Variants in UNC5D observed in about 807,000 individuals in gnomAD.
UNC5D encodes netrin receptor UNC5D.
Under a neutral mutation model 105.4 loss-of-function variants are expected in UNC5D, and 39 were observed. The observed-to-expected ratio is 0.37, with a 90% CI of 0.29 to 0.48. The LOEUF is 0.48. Ranked by LOEUF, UNC5D falls within the 20% of genes least tolerant of loss-of-function variation. The pLI, the probability that UNC5D is intolerant of heterozygous loss-of-function variation, is 0.98. For synonymous variants in UNC5D, 452 were observed against 450.4 expected, an observed-to-expected ratio of 1.00 and a Z score of -0.04; for missense variants, 991 against 1,202.4, an observed-to-expected ratio of 0.82 and a Z score of 2.60.
chr8:35,458,583 A>G (rs945751414), intron 1 of UNC5D, among the ~76,000 whole-genome samples: 1 of 152,210 alleles, frequency 6.6e-6, no homozygotes, highest in African/African-American at 2.4e-5. Flanking sequence ...ATTAAAAATA[A>G]TGAGACACTT....
chr8:35,499,866 C>T (rs541957185), intron 1 of UNC5D, among the ~76,000 whole-genome samples: 17 of 152,300 alleles, frequency 1.1e-4, no homozygotes, highest in Non-Finnish European at 4.4e-5. Flanking sequence ...CATGCAGACA[C>T]AAACATTTCA....
chr8:35,751,439 G>T (rs1309316251), intron 13 of UNC5D, among the ~76,000 whole-genome samples: 1 of 152,164 alleles, frequency 6.6e-6, no homozygotes, highest in Admixed American at 6.5e-5. Flanking sequence ...TAGTCTCCAG[G>T]CAGGAAGGGG....
chr8:35,659,135 C>A (rs562512459), intron 4 of UNC5D, among the ~76,000 whole-genome samples: 37 of 152,080 alleles, frequency 2.4e-4, no homozygotes, highest in African/African-American at 8.4e-4. Flanking sequence ...TTTTTTTCCC[C>A]CTTCTTGAGC....
At chr8:35,674,783 A>G (rs1003327734) in intron 4 of UNC5D, among the ~76,000 whole-genome samples, 1 of 152,152 alleles carries the variant, frequency 6.6e-6, no homozygotes, top group African/African-American at 2.4e-5. Context: ...GTGCTGTCTC[A>G]GTTCAGCTGC....
chr8:35,609,715 C>T (rs920078321), intron 4 of UNC5D, among the ~76,000 whole-genome samples: 5 of 152,202 alleles, frequency 3.3e-5, no homozygotes, highest in South Asian at 2.1e-4. Context: ...GAAATGCTAA[C>T]AGTCAAAGTC....
At chr8:35,765,103 C>T (rs1239683109) in intron 14 of UNC5D, among the ~76,000 whole-genome samples, 2 of 152,208 alleles carry the variant, frequency 1.3e-5, no homozygotes, top group Admixed American at 6.5e-5. Context: ...AGCCCCTGCA[C>T]ACCTTTCTTG....
intron 1 of UNC5D, among the ~76,000 whole-genome samples, chr8:35,275,753 T>TAG (rs1805732291): frequency 6.6e-6 from 1 of 152,270 alleles, no homozygotes; most frequent in Non-Finnish European, 1.5e-5. Context: ...CTCCTGGGGC[T>TAG]TGAAGTAACA....
intron 1 of UNC5D, among the ~76,000 whole-genome samples, chr8:35,494,984 T>C (rs1014729690): frequency 2.0e-5 from 3 of 152,120 alleles, no homozygotes; most frequent in African/African-American, 7.2e-5. Flanking sequence ...CTAAGGCCTT[T>C]GGATTTTGGG....
At chr8:35,504,863 C>A (rs1187009186) in intron 1 of UNC5D, among the ~76,000 whole-genome samples, 3 of 152,110 alleles carry the variant, frequency 2.0e-5, no homozygotes, top group Non-Finnish European at 4.4e-5. Context: ...CCCCTCTTAC[C>A]ATATGGCTCC....
chr8:35,599,003 T>C (rs930286120), intron 4 of UNC5D, among the ~76,000 whole-genome samples: 2 of 151,574 alleles, frequency 1.3e-5, no homozygotes, highest in Non-Finnish European at 2.9e-5. Context: ...ATTAGCCGGG[T>C]GTGGTGGCGC....
In UNC5D at chr8:35,639,962, C is replaced by T. The variant is rs566571766; in HGVS notation, c.571-43585C>T. Among the ~76,000 whole-genome samples the T allele has an allele frequency of 2.3e-3, 348 of 151,930 alleles. 1 individual carries two copies. The highest frequency in any genetic ancestry group is 8.1e-3 in the African/African-American group (336 of 41,464). On this transcript the variant is annotated intron_variant, in intron 4 of 16. Transcript: ENST00000404895. ...CTGGTCTTAAACTCCTGCCCATAAGCGATCGTCCTGCCTCAGACCCCCAAA... is the reference window on the plus strand; with the variant it reads ...CTGGTCTTAAACTCCTGCCCATAAGTGATCGTCCTGCCTCAGACCCCCAAA...
chr8:35,385,375 A>G (rs1029760915), intron 1 of UNC5D, among the ~76,000 whole-genome samples: 3 of 151,634 alleles, frequency 2.0e-5, no homozygotes, highest in African/African-American at 7.3e-5. Context: ...TCTGAATCCT[A>G]CATGCCACCA....
chr8:35,296,123 A>G (rs190780752), intron 1 of UNC5D, among the ~76,000 whole-genome samples: 15 of 152,342 alleles, frequency 9.8e-5, no homozygotes, highest in Non-Finnish European at 2.1e-4. Context: ...TACAGCGATC[A>G]TGGAAGTACA....
chr8:35,247,380 T>A (rs1436225189), intron 1 of UNC5D, among the ~76,000 whole-genome samples: 2 of 148,714 alleles, frequency 1.3e-5, no homozygotes, highest in Non-Finnish European at 3.0e-5. Flanking sequence ...CATTATAGAT[T>A]CGTTTTGTGT....
chr8:35,286,898 C>T (rs1351815817), intron 1 of UNC5D, among the ~76,000 whole-genome samples: 1 of 152,184 alleles, frequency 6.6e-6, no homozygotes, highest in Admixed American at 6.5e-5. Flanking sequence ...AACAACAGAG[C>T]CAGGGAAGAC....
chr8:35,601,974 C>A (rs1373951727), intron 4 of UNC5D, among the ~76,000 whole-genome samples: 1 of 152,182 alleles, frequency 6.6e-6, no homozygotes, highest in Non-Finnish European at 1.5e-5. Context: ...TACGTCCCAT[C>A]AATACCTAAT....
chr8:35,371,794 T>C (rs1802443321), intron 1 of UNC5D, among the ~76,000 whole-genome samples: 1 of 152,218 alleles, frequency 6.6e-6, no homozygotes, highest in African/African-American at 2.4e-5. Flanking sequence ...TTTGCCTTGC[T>C]GTGTATTACG....
chr8:35,664,147 C>T (rs1400360497), intron 4 of UNC5D, among the ~76,000 whole-genome samples: 2 of 152,104 alleles, frequency 1.3e-5, no homozygotes, highest in Non-Finnish European at 2.9e-5. Flanking sequence ...AGAATAGTTT[C>T]ATCTTAACTC....
intron 4 of UNC5D, among the ~76,000 whole-genome samples, chr8:35,668,553 T>G (rs1054427691): frequency 2.0e-4 from 30 of 152,088 alleles, no homozygotes; most frequent in Non-Finnish European, 3.2e-4. Flanking sequence ...CATGCTTTCT[T>G]ATGGTACTTT....
Sources: gnomAD v4.1 joint callset for allele counts (sites outside exome capture counted in the v4.1 genomes callset) on GRCh38, gnomAD v4.1.1 for gene constraint, MANE v1.5 for transcripts, NCBI Gene and HGNC (gene_info 2026-07-23, HGNC 2026-07-21) for gene names.